Variants in INTS1 observed in about 807,000 individuals in gnomAD.
The protein encoded by INTS1 is integrator complex subunit 1.
A neutral mutation model predicts 241.6 loss-of-function variants in INTS1; 137 were observed. The ratio of observed to expected loss-of-function variants is 0.57; its 90% confidence interval spans 0.49 to 0.65. The LOEUF (loss-of-function observed/expected upper bound fraction) is 0.65, where lower values mean the gene tolerates loss of function less well. INTS1 is among the 30% of genes least tolerant of loss of function. The pLI, the probability that INTS1 is intolerant of heterozygous loss-of-function variation, is 0.00. For synonymous variants in INTS1, 1,692 were observed against 1,337.8 expected, an observed-to-expected ratio of 1.26 and a Z score of -5.78; for missense variants, 3,073 against 3,032.2, an observed-to-expected ratio of 1.01 and a Z score of -0.32.
intron 16 of INTS1, among the ~76,000 whole-genome samples, chr7:1,490,269 A>C (rs1782482738): frequency 1.3e-5 from 2 of 152,146 alleles, no homozygotes; most frequent in Admixed American, 6.5e-5. Flanking sequence ...CGTCCGACCA[A>C]AACTCCAAAC....
chr7:1,495,190 CGGGAGGCTCCAA>C (rs1782784927), intron 13 of INTS1, among the ~76,000 whole-genome samples: 1 of 152,228 alleles, frequency 6.6e-6, no homozygotes, highest in Admixed American at 6.5e-5. Context: ...AGAGGCTCCA[CGGGAGGCTCCAA>C]TGCACAGGGT....
chr7:1,483,429 G>T, intron 26 of INTS1: 1 of 445,626 alleles, frequency 2.2e-6, no homozygotes, highest in Non-Finnish European at 4.2e-6. Flanking sequence ...CGCCTCCCAG[G>T]CACCGCAGGC....
intron 18 of INTS1, 92 bp downstream of exon 18, chr7:1,489,252 G>C (rs973878359): frequency 8.6e-5 from 83 of 964,288 alleles, no homozygotes; most frequent in Non-Finnish European, 1.2e-4. Flanking sequence ...GATGCAGCAC[G>C]ACCCAGGAGA....
At position 1,484,448 on chromosome 7, in the gene INTS1, T is replaced by C. The variant is rs118189166; in HGVS notation, c.3262-278A>G. Among the ~76,000 whole-genome samples, 948 of 152,306 alleles carry C rather than the reference T, an allele frequency of 6.2e-3. 4 individuals are homozygous for C. Among genetic ancestry groups the C allele is most frequent in the Non-Finnish European group, 9.9e-3 (673 of 68,022 alleles). On this transcript the variant is annotated intron_variant, in intron 24 of 47. Coordinates refer to ENST00000404767, the MANE Select transcript of INTS1 (RefSeq NM_001080453.3). Reference sequence around the variant, plus strand: ...GCCCGGCAGCCACCATCTGTTCACCTATCGCTCATTCCCTGAGGACTCGGG... The same window carrying C: ...GCCCGGCAGCCACCATCTGTTCACCCATCGCTCATTCCCTGAGGACTCGGG...
chr7:1,494,140 A>G (rs1782731005), intron 14 of INTS1, among the ~76,000 whole-genome samples: 1 of 152,172 alleles, frequency 6.6e-6, no homozygotes, highest in African/African-American at 2.4e-5. Context: ...CCCCACCCCA[A>G]GGCCTTTGGG....
At chr7:1,482,857 G>A in intron 26 of INTS1, 150 bp from the exon 27 acceptor site, 1 of 863,586 alleles carries the variant, frequency 1.2e-6, no homozygotes, top group East Asian at 2.5e-5. Context: ...GTGAGCACTT[G>A]CTATGTGCGG....
chr7:1,495,670 C>G, intron 12 of INTS1, 117 bp from the exon 13 acceptor site: 2 of 1,341,862 alleles, frequency 1.5e-6, no homozygotes, highest in Admixed American at 2.3e-5. Context: ...AGGGCACCCC[C>G]AGCTTCTGGA....
At chr7:1,473,334 A>C in intron 42 of INTS1, 150 bp from the exon 43 acceptor site, 1 of 724,698 alleles carries the variant, frequency 1.4e-6, no homozygotes, top group East Asian at 2.7e-5. Context: ...CGGGGAAGCC[A>C]CATGTGCGTG....
Position 1,472,355 on chromosome 7 carries a change from G to C in INTS1, c.6102C>G (p.Val2034=). The change falls in exon 44 of 48, where the codon GTC becomes GTG. Residue 2034 remains valine, a synonymous_variant. Coordinates refer to ENST00000404767, the MANE Select transcript of INTS1 (RefSeq NM_001080453.3). The part of the protein sequence containing the change: ...EESSAGSLPL[V]SVSLFTPLTA... ...TCAGAGGGGTGAACAGGGAGACGCTGACCAGGGGCAAGGAGCCGGCTGAGC... is the reference window on the plus strand; with the variant it reads ...TCAGAGGGGTGAACAGGGAGACGCTCACCAGGGGCAAGGAGCCGGCTGAGC... The C allele has an allele frequency of 6.4e-7, 1 of 1,570,486 alleles. No homozygotes were observed. Among genetic ancestry groups the C allele is most frequent in the South Asian group, 1.2e-5 (1 of 85,704 alleles).
chr7:1,473,713 C>A lies in INTS1; in HGVS notation c.5830-20G>T. 6.2e-7 allele frequency: 1 copy of A among 1,612,322 alleles called. No homozygotes were observed. Among genetic ancestry groups the A allele is most frequent in the Non-Finnish European group, 8.5e-7 (1 of 1,179,576 alleles). ...GTAATTCTGCAAAGCAAAAGCGGCA[C>A]CCTCGAGCTGCTCTGCCCCGCAGGG... On this transcript the variant is annotated intron_variant, in intron 41 of 47. Coordinates refer to ENST00000404767, the MANE Select transcript of INTS1 (RefSeq NM_001080453.3).
intron 39 of INTS1, among the ~76,000 whole-genome samples, chr7:1,475,526 G>A (rs1186039842): frequency 6.6e-6 from 1 of 152,154 alleles, no homozygotes; most frequent in East Asian, 1.9e-4. Flanking sequence ...GTTCCGGCCT[G>A]CGGTGGGGAA....
At chr7:1,487,600 C>G in intron 19 of INTS1, 151 bp from the exon 20 acceptor site, 2 of 1,283,826 alleles carry the variant, frequency 1.6e-6, no homozygotes, top group Non-Finnish European at 2.2e-6. Context: ...CCTGGCCCCA[C>G]AGCAGTAAGC....
rs1782455498 is a variant in INTS1 at position 1,489,690 on chromosome 7, G to A, written c.2166-8C>T. ...AGGTTCGGAGGCTGGTACCTGGAAG[G>A]CAGGGGCGCCCCGACTCAGGCCCAG... On this transcript the variant is annotated splice_region_variant and splice_polypyrimidine_tract_variant and intron_variant, in intron 16 of 47. Transcript: ENST00000404767. 6.6e-7 allele frequency: 1 copy of A among 1,514,450 alleles called. No homozygotes were observed. The highest frequency in any genetic ancestry group is 8.9e-7 in the Non-Finnish European group (1 of 1,127,578). The allele number at this position is 1,514,450 out of a possible 1,614,324, so 93.8% of individuals were successfully genotyped here. A position where few individuals can be genotyped will look rare whatever the true frequency, so the allele number is the denominator to read the frequency against.
Position 1,487,341 on chromosome 7 carries a change from G to C in INTS1, c.2625C>G (p.Leu875=), listed in dbSNP as rs775365622. The change falls in exon 20 of 48, where the codon CTC becomes CTG. Residue 875 remains leucine, a synonymous_variant. Coordinates refer to ENST00000404767, the MANE Select transcript of INTS1 (RefSeq NM_001080453.3). The stretch of plus-strand genomic sequence containing the variant: ...TCACCTGCCGCTGGATGATGTGGAG[G>C]AGAAAGTCAGGGTTTCGGCTGCGGC... The part of the protein sequence containing the change: ...LLCRSRNPDF[L]LHIIQRQASS... 5 of 1,603,878 alleles carry C rather than the reference G, an allele frequency of 3.1e-6. No homozygotes were observed. The highest frequency in any genetic ancestry group is 2.2e-5 in the South Asian group (2 of 89,244).
chr7:1,473,824 G>T, intron 41 of INTS1, 131 bp from the exon 42 acceptor site: 1 of 1,170,588 alleles, frequency 8.5e-7, no homozygotes, highest in Non-Finnish European at 1.2e-6. Flanking sequence ...CCAACCACTG[G>T]GGCGTCACAG....
rs749474268 is a variant in INTS1, at chr7:1,473,579, C to T, written c.5944G>A (p.Ala1982Thr). The T allele has an allele frequency of 1.5e-5, 24 of 1,597,808 alleles. No homozygotes were observed. The highest frequency in any genetic ancestry group is 9.1e-5 in the East Asian group (4 of 44,040). The change falls in exon 42 of 48, where the codon GCC (alanine) becomes ACC (threonine). Residue 1982 changes from alanine (A) to threonine (T), a missense_variant. By Grantham distance (58) the Ala-to-Thr change is moderately conservative. Coordinates refer to ENST00000404767, the MANE Select transcript of INTS1 (RefSeq NM_001080453.3). ...PAAISFLQKHADPLHDLSFDN... is the reference protein window; with the variant it reads ...PAAISFLQKHTDPLHDLSFDN... Reference sequence around the variant, plus strand: ...GTGGGCACTCACTGGAGCGGGTCGGCGTGCTTCTGCAGGAAGGAGATGGCT... The same window carrying T: ...GTGGGCACTCACTGGAGCGGGTCGGTGTGCTTCTGCAGGAAGGAGATGGCT...
rs752298928 is a variant in INTS1, at chr7:1,497,282, G to T, written c.1458C>A (p.Thr486=). ...AGGCCCGCAGGTAGTCGTCCTTGTT[G>T]GTCAGCAGGTCCTGGAACACCATGG... ...FLAMVFQDLL[T]NKDDYLRASR... The change falls in exon 11 of 48, where the codon ACC becomes ACA. Residue 486 remains threonine (T), a synonymous_variant. Transcript: ENST00000404767. The surrounding 1 kb of genome is among the most constrained non-coding windows in gnomAD (Gnocchi z 5.3). The T allele has an allele frequency of 1.9e-6, 3 of 1,613,252 alleles. No individual in the cohort carries two copies. The highest frequency in any genetic ancestry group is 2.5e-6 in the Non-Finnish European group (3 of 1,179,700).
intron 16 of INTS1, among the ~76,000 whole-genome samples, chr7:1,491,355 T>C (rs1160215449): frequency 6.6e-6 from 1 of 152,144 alleles, no homozygotes; most frequent in Non-Finnish European, 1.5e-5. Flanking sequence ...AAAGACAGGC[T>C]TTCAACAGCG....
rs1408575983 is a variant in INTS1, at chr7:1,500,261, G to A, written c.455C>T (p.Thr152Ile). ...GAGGGTGCTGTCAGGCTTGGCGCGG[G>A]TGACCTTCAGCTGCTTCACGGCCCC... is the stretch of plus-strand genomic sequence containing the variant. ...LCGAVKQLKV[T>I]RAKPDSTLYL... is the part of the protein sequence containing the mutation. Residue 152 changes from threonine (T) to isoleucine (I), a missense_variant, in exon 4 of 48, where the codon ACC (threonine) becomes ATC (isoleucine). Transcript: ENST00000404767. 2 of 1,603,420 alleles carry A rather than the reference G, an allele frequency of 1.2e-6. No homozygotes were observed. The highest frequency in any genetic ancestry group is 1.1e-5 in the South Asian group (1 of 89,246).
Sources: allele counts gnomAD v4.1 joint callset (sites outside exome capture counted in the v4.1 genomes callset), GRCh38; gene constraint gnomAD v4.1.1; non-coding constraint Gnocchi (gnomAD v3.1); transcripts MANE v1.5; gene names NCBI Gene and HGNC (gene_info 2026-07-23, HGNC 2026-07-21).